TRRAP: variants seen among roughly 807,000 people sequenced by gnomAD.
TRRAP encodes the protein transformation/transcription domain-associated protein.
Under a neutral mutation model 438.8 loss-of-function variants are expected in TRRAP, and 41 were observed. That is an observed-to-expected ratio of 0.09 (90% CI 0.07 to 0.12). TRRAP has a LOEUF of 0.12. TRRAP is among the 10% of genes least tolerant of loss of function. The pLI, the probability that TRRAP is intolerant of heterozygous loss-of-function variation, is 1.00. For synonymous variants in TRRAP, 1,994 were observed against 1,962.9 expected (o/e 1.02, Z -0.42); for missense variants, 3,122 against 5,055.1 (o/e 0.62, Z 11.60).
chr7:98,912,363 A>G (rs372690979), intron 18 of TRRAP, 150 bp downstream of exon 18: 14 of 618,456 alleles, frequency 2.3e-5, no homozygotes, highest in East Asian at 1.3e-4. Context: ...GACTATAGGC[A>G]CTCACCACTG....
intron 67 of TRRAP, among the ~76,000 whole-genome samples, chr7:99,002,079 A>G (rs1044579339): frequency 7.5e-6 from 1 of 132,570 alleles, no homozygotes; most frequent in African/African-American, 2.8e-5. Flanking sequence ...GGAGACGGAG[A>G]AGGGATTCAT....
At chr7:98,901,994 C>T (rs1554406727) in intron 11 of TRRAP, among the ~76,000 whole-genome samples, 1 of 152,246 alleles carries the variant, frequency 6.6e-6, no homozygotes, top group Non-Finnish European at 1.5e-5. Context: ...AACCCTGTCC[C>T]ATCAGCAGCC....
At chr7:98,955,791 T>G (rs574812732) in intron 41 of TRRAP, among the ~76,000 whole-genome samples, 1 of 152,346 alleles carries the variant, frequency 6.6e-6, no homozygotes, top group South Asian at 2.1e-4. Flanking sequence ...AGAGGAACTT[T>G]GCTTTTGGGT....
intron 21 of TRRAP, among the ~76,000 whole-genome samples, chr7:98,922,934 G>A (rs2116473044): frequency 6.6e-6 from 1 of 152,240 alleles, no homozygotes; most frequent in African/African-American, 2.4e-5. Context: ...TAAACATTGG[G>A]GAGGGAGAAG....
intron 26 of TRRAP, 123 bp from the exon 27 acceptor site, chr7:98,933,118 C>A: frequency 1.5e-6 from 2 of 1,320,222 alleles, no homozygotes; most frequent in Non-Finnish European, 1.0e-6. Flanking sequence ...ATGTATCTCC[C>A]GTTCCCTAAT....
At chr7:98,890,529 C>T (rs1554404677) in intron 4 of TRRAP, 84 bp downstream of exon 4, 1 of 929,404 alleles carries the variant, frequency 1.1e-6, no homozygotes, top group East Asian at 3.1e-5. Context: ...CTTACGGTTC[C>T]ACTTAAAAAC....
chr7:99,009,087 G>A (rs968187892), intron 70 of TRRAP, among the ~76,000 whole-genome samples: 15 of 152,182 alleles, frequency 9.9e-5, no homozygotes, highest in Non-Finnish European at 1.9e-4. Context: ...CATGGTGCCC[G>A]CAGGAGTCTT....
chr7:98,943,204 A>G (rs1440013982), intron 31 of TRRAP, among the ~76,000 whole-genome samples, 187 bp downstream of exon 31: 1 of 152,254 alleles, frequency 6.6e-6, no homozygotes, highest in Non-Finnish European at 1.5e-5. Flanking sequence ...ATTGCTAAAC[A>G]TTCCTTTTTA....
intron 64 of TRRAP, among the ~76,000 whole-genome samples, chr7:98,991,173 C>G (rs1374304107): frequency 2.0e-5 from 3 of 152,182 alleles, no homozygotes; most frequent in African/African-American, 7.2e-5. Context: ...GAGAATGATT[C>G]CAGGATGTCC....
At chr7:98,961,195 G>A in intron 45 of TRRAP, 66 bp from the exon 46 acceptor site, 11 of 1,549,164 alleles carry the variant, frequency 7.1e-6, no homozygotes, top group Non-Finnish European at 9.8e-6. Flanking sequence ...CCAGACTCTT[G>A]TTTCTAGAAT....
At chr7:98,890,259 G>A in intron 3 of TRRAP, 76 bp from the exon 4 acceptor site, 1 of 953,638 alleles carries the variant, frequency 1.0e-6, no homozygotes, top group Non-Finnish European at 1.4e-6. Flanking sequence ...TTCCTTTGCA[G>A]TTATTATAAT....
In TRRAP at chr7:98,906,274, G is replaced by C; in HGVS notation, c.1115+19G>C. 6.2e-7 allele frequency: 1 copy of C among 1,600,406 alleles called. No homozygotes were observed. The highest frequency in any genetic ancestry group is 2.2e-5 in the East Asian group (1 of 44,696). ...CTCTAAGGTATGAGATTAAACCAGTGATATCTGGTTGGTTAAATGCCAGGA... is the reference window on the plus strand; with the variant it reads ...CTCTAAGGTATGAGATTAAACCAGTCATATCTGGTTGGTTAAATGCCAGGA... On this transcript the variant is annotated intron_variant, in intron 13 of 72. Coordinates refer to ENST00000456197, the MANE Select transcript of TRRAP (RefSeq NM_001375524.1).
intron 70 of TRRAP, among the ~76,000 whole-genome samples, chr7:99,008,770 T>C (rs1180233927): frequency 6.6e-6 from 1 of 152,198 alleles, no homozygotes; most frequent in African/African-American, 2.4e-5. Flanking sequence ...GACGGTTTGT[T>C]ATGACCAGAC....
At position 98,984,199 on chromosome 7, in the gene TRRAP, C is replaced by T. The variant is rs944320481; in HGVS notation, c.9129C>T (p.Ile3043=). 3.6e-5 allele frequency: 58 copies of T among 1,613,986 alleles called. 1 individual carries two copies. Among genetic ancestry groups the T allele is most frequent in the Middle Eastern group, 1.6e-4 (1 of 6,084 alleles). The change falls in exon 61 of 73, where the codon ATC becomes ATT. Residue 3043 remains isoleucine (I), a synonymous_variant. Coordinates refer to ENST00000456197, the MANE Select transcript of TRRAP (RefSeq NM_001375524.1). ...SASAIIQYGK[I]ARKQGLVNVA... ...CAGCGATCATCCAGTATGGAAAAAT[C>T]GCCCGGAAACAAGGACTGGTCAATG...
chr7:98,909,214 G>T (rs55858474), intron 14 of TRRAP, among the ~76,000 whole-genome samples: 57,886 of 151,428 alleles, frequency 0.38, 13,370 homozygotes, highest in Non-Finnish European at 0.5. Context: ...AGTAGAGACA[G>T]GGTTTTCCCA....
At chr7:98,881,417 C>G (rs868989150) in intron 2 of TRRAP, among the ~76,000 whole-genome samples, 167 bp downstream of exon 2, 2 of 151,840 alleles carry the variant, frequency 1.3e-5, no homozygotes, top group Non-Finnish European at 2.9e-5. Context: ...TACTAAAATA[C>G]AAAAATTAGC....
chr7:99,008,518 G>T lies in TRRAP; in HGVS notation c.10895G>T (p.Arg3632Leu). ...HDNPISRYYD[R>L]LATVQARGTQ... ...AACCCCATCTCCCGTTACTATGACCGGCTGGCTACGGTGCAGGCGCGGGGA... is the reference window on the plus strand; with the variant it reads ...AACCCCATCTCCCGTTACTATGACCTGCTGGCTACGGTGCAGGCGCGGGGA... The change falls in exon 70 of 73, where the codon CGG (arginine) becomes CTG (leucine). Residue 3632 changes from arginine to leucine, a missense_variant. Arg to Leu is a moderately radical substitution (Grantham distance 102). Coordinates refer to ENST00000456197, the MANE Select transcript of TRRAP (RefSeq NM_001375524.1). The T allele has an allele frequency of 6.2e-7, 1 of 1,614,124 alleles. No homozygotes were observed. Among genetic ancestry groups the T allele is most frequent in the Non-Finnish European group, 8.5e-7 (1 of 1,180,038 alleles).
At chr7:98,943,831 T>C (rs2116578464) in intron 31 of TRRAP, among the ~76,000 whole-genome samples, 1 of 152,352 alleles carries the variant, frequency 6.6e-6, no homozygotes, top group Non-Finnish European at 1.5e-5. Context: ...GACTTCCTTA[T>C]AGTTCTTCAG....
chr7:98,986,880 G>A (rs1014584286), intron 62 of TRRAP, among the ~76,000 whole-genome samples: 1 of 152,228 alleles, frequency 6.6e-6, no homozygotes, highest in African/African-American at 2.4e-5. Flanking sequence ...TTTATGTGGT[G>A]TGAGGTAGGG....
Sources: allele counts gnomAD v4.1 joint callset (sites outside exome capture counted in the v4.1 genomes callset), GRCh38; gene constraint gnomAD v4.1.1; transcripts MANE v1.5; gene names NCBI Gene and HGNC (gene_info 2026-07-23, HGNC 2026-07-21).